PXDNL: variants seen among roughly 807,000 people sequenced by gnomAD.
PXDNL encodes the protein probable oxidoreductase PXDNL.
PXDNL carries 145 observed loss-of-function variants against 150.8 expected under a neutral mutation model. The observed-to-expected ratio is 0.96, with a 90% CI of 0.84 to 1.10. The LOEUF is 1.10. Ranked by LOEUF, PXDNL falls within the 50% of genes least tolerant of loss-of-function variation. PXDNL has a pLI of 0.00. For missense variants in PXDNL, 2,087 were observed against 1,873.9 expected (o/e 1.11, Z -2.10); for synonymous variants, 757 against 725.7 (o/e 1.04, Z -0.69).
At chr8:51,521,407 G>A (rs753462930) in intron 4 of PXDNL, among the ~76,000 whole-genome samples, 3 of 152,042 alleles carry the variant, frequency 2.0e-5, no homozygotes, top group Non-Finnish European at 4.4e-5. Flanking sequence ...TGACATAGTT[G>A]AGTAAAGAGT....
intron 1 of PXDNL, among the ~76,000 whole-genome samples, chr8:51,779,925 G>A (rs1244018957): frequency 6.6e-6 from 1 of 152,232 alleles, no homozygotes; most frequent in Non-Finnish European, 1.5e-5. Flanking sequence ...GAAACGCAGA[G>A]CCTCAGCCTG....
At chr8:51,387,663 C>G (rs1435678952) in intron 17 of PXDNL, among the ~76,000 whole-genome samples, 1 of 152,042 alleles carries the variant, frequency 6.6e-6, no homozygotes, top group Admixed American at 6.6e-5. Flanking sequence ...TATGAATTAA[C>G]GTAATTACTA....
At chr8:51,622,643 G>A (rs1563486588) in intron 2 of PXDNL, among the ~76,000 whole-genome samples, 1 of 152,166 alleles carries the variant, frequency 6.6e-6, no homozygotes, top group Non-Finnish European at 1.5e-5. Flanking sequence ...ATGAACAAGC[G>A]GTGGTAGAAA....
chr8:51,743,364 C>T (rs1435524115), intron 1 of PXDNL, among the ~76,000 whole-genome samples: 1 of 151,966 alleles, frequency 6.6e-6, no homozygotes, highest in African/African-American at 2.4e-5. Flanking sequence ...ATTACAAGTG[C>T]CTGCCACCGT....
At chr8:51,476,812 G>A (rs1229840495) in intron 6 of PXDNL, among the ~76,000 whole-genome samples, 1 of 152,154 alleles carries the variant, frequency 6.6e-6, no homozygotes, top group Non-Finnish European at 1.5e-5. Flanking sequence ...TATGATAGGT[G>A]TTAGATTGCT....
intron 1 of PXDNL, among the ~76,000 whole-genome samples, chr8:51,775,944 C>T (rs2037348319): frequency 6.6e-6 from 1 of 152,156 alleles, no homozygotes; most frequent in South Asian, 2.1e-4. Context: ...TTCTTTTTCT[C>T]AGCAAGGAAC....
intron 2 of PXDNL, among the ~76,000 whole-genome samples, chr8:51,624,195 A>G (rs1814318157): frequency 6.6e-6 from 1 of 151,960 alleles, no homozygotes; most frequent in Non-Finnish European, 1.5e-5. Context: ...AGTCAGCCAG[A>G]AGTGACTCTG....
intron 2 of PXDNL, among the ~76,000 whole-genome samples, chr8:51,601,149 C>G (rs1223061885): frequency 1.3e-5 from 2 of 151,234 alleles, no homozygotes; most frequent in African/African-American, 4.9e-5. Flanking sequence ...AGCATATGGT[C>G]AATCTTGGAG....
intron 2 of PXDNL, among the ~76,000 whole-genome samples, chr8:51,602,669 A>T (rs1416654282): frequency 6.6e-6 from 1 of 151,748 alleles, no homozygotes; most frequent in Non-Finnish European, 1.5e-5. Flanking sequence ...ATGGACATTA[A>T]CTTAAAAAAT....
chr8:51,636,941 C>G (rs915445999), intron 2 of PXDNL, among the ~76,000 whole-genome samples: 1 of 152,070 alleles, frequency 6.6e-6, no homozygotes, highest in Non-Finnish European at 1.5e-5. Flanking sequence ...GAGGTAACCC[C>G]CAGTAGGGGC....
chr8:51,417,493 G>A (rs1226480124), intron 14 of PXDNL, among the ~76,000 whole-genome samples: 1 of 152,292 alleles, frequency 6.6e-6, no homozygotes, highest in East Asian at 1.9e-4. Flanking sequence ...TGGACCTAGA[G>A]ATGGGATGCA....
At chr8:51,654,665 T>C in intron 2 of PXDNL, 24 bp downstream of exon 2, 1 of 1,584,772 alleles carries the variant, frequency 6.3e-7, no homozygotes, top group Non-Finnish European at 8.7e-7. Flanking sequence ...TTAGGAACCT[T>C]ACAGATAAGC....
chr8:51,775,395 A>G (rs537008721), intron 1 of PXDNL, among the ~76,000 whole-genome samples: 22 of 152,248 alleles, frequency 1.4e-4, no homozygotes, highest in Non-Finnish European at 2.4e-4. Flanking sequence ...TCCAATGGGT[A>G]ACATTTTCAA....
chr8:51,387,818 G>A (rs1473425191), intron 17 of PXDNL, among the ~76,000 whole-genome samples: 2 of 152,058 alleles, frequency 1.3e-5, no homozygotes, highest in Admixed American at 6.6e-5. Context: ...ATGACTGAAT[G>A]GGTTTTATAA....
chr8:51,338,086 G>A (rs1054143173), intron 21 of PXDNL, among the ~76,000 whole-genome samples: 1 of 151,230 alleles, frequency 6.6e-6, no homozygotes, highest in Non-Finnish European at 1.5e-5. Flanking sequence ...GGCTGAGGCA[G>A]GAGAATTACT....
chr8:51,639,570 A>T (rs1814694021), intron 2 of PXDNL, among the ~76,000 whole-genome samples: 1 of 152,218 alleles, frequency 6.6e-6, no homozygotes, highest in South Asian at 2.1e-4. Context: ...GAATACTACA[A>T]ACACCTCTAT....
intron 13 of PXDNL, among the ~76,000 whole-genome samples, 184 bp downstream of exon 13, chr8:51,426,462 A>C (rs1369108560): frequency 6.6e-6 from 1 of 152,090 alleles, no homozygotes; most frequent in East Asian, 1.9e-4. Context: ...CCAAAATCAG[A>C]TAGAGTCACT....
intron 21 of PXDNL, among the ~76,000 whole-genome samples, chr8:51,327,578 A>C (rs900642566): frequency 6.6e-6 from 1 of 152,220 alleles, no homozygotes; most frequent in African/African-American, 2.4e-5. Flanking sequence ...GTAAAGTTCA[A>C]TACTTTTGCT....
chr8:51,418,624 T>C lies in PXDNL; in HGVS notation c.1795+4951A>G, dbSNP rs116104664. Among the ~76,000 whole-genome samples the C allele has an allele frequency of 4.9e-3, 740 of 152,328 alleles. 5 individuals are homozygous for C. Among genetic ancestry groups the C allele is most frequent in the African/African-American group, 0.017 (716 of 41,586 alleles). The stretch of plus-strand genomic sequence containing the variant: ...GAACAGGTTAATTAATGTATAGCAT[T>C]TGGAACACATGGTAAATGCTCAATA... On this transcript the variant is annotated intron_variant, in intron 14 of 22. Coordinates refer to ENST00000356297, the MANE Select transcript of PXDNL (RefSeq NM_144651.5).
Sources: gnomAD v4.1 joint callset for allele counts (sites outside exome capture counted in the v4.1 genomes callset) on GRCh38, gnomAD v4.1.1 for gene constraint, MANE v1.5 for transcripts, NCBI Gene and HGNC (gene_info 2026-07-23, HGNC 2026-07-21) for gene names.